Variants in ENTREP2 observed in about 807,000 individuals in gnomAD.
ENTREP2 encodes endosomal transmembrane epsin interactor 2.
chr15:29,310,425 G>C, the ENTREP2 span, among the ~76,000 whole-genome samples: 1 of 152,308 alleles, frequency 6.6e-6, no homozygotes, highest in African/African-American at 2.4e-5. Context: ...CGGTCAAGGG[G>C]ACATCTCTAG....
At chr15:29,136,428 G>T in the ENTREP2 span, 1 of 1,541,942 alleles carries the variant, frequency 6.5e-7, no homozygotes. Flanking sequence ...GCAGGATAGA[G>T]CAGGCCGGGG....
At chr15:29,410,809 G>A in the ENTREP2 span, among the ~76,000 whole-genome samples, 75 of 152,280 alleles carry the variant, frequency 4.9e-4, no homozygotes, top group African/African-American at 1.4e-3. Context: ...TTTTTGAGAT[G>A]GAGTCTTGCT....
At chr15:29,230,176 T>C in the ENTREP2 span, among the ~76,000 whole-genome samples, 1 of 152,212 alleles carries the variant, frequency 6.6e-6, no homozygotes, top group Admixed American at 6.5e-5. Context: ...TTGCCTTAGG[T>C]TGGATCCTTC....
At chr15:29,252,401 A>T in the ENTREP2 span, 1 of 1,551,198 alleles carries the variant, frequency 6.4e-7, no homozygotes, top group Middle Eastern at 1.7e-4. Flanking sequence ...TGACTAGCTG[A>T]GCATTCTGAC....
chr15:29,389,004 A>G, the ENTREP2 span, among the ~76,000 whole-genome samples: 1 of 151,430 alleles, frequency 6.6e-6, no homozygotes, highest in Non-Finnish European at 1.5e-5. Context: ...TAGGAGATAT[A>G]CCTAATGTAA....
the ENTREP2 span, among the ~76,000 whole-genome samples, chr15:29,482,546 C>T: frequency 6.6e-6 from 1 of 152,168 alleles, no homozygotes; most frequent in East Asian, 1.9e-4. Flanking sequence ...TTACTGTCTC[C>T]ACAGTCTTGC....
At chr15:29,517,429 G>A in the ENTREP2 span, among the ~76,000 whole-genome samples, 1 of 152,094 alleles carries the variant, frequency 6.6e-6, no homozygotes, top group Admixed American at 6.6e-5. Context: ...AGCTGTCTGG[G>A]TCCCAAATGT....
chr15:29,123,793 G>GAGCGC, the ENTREP2 span: 1 of 828,084 alleles, frequency 1.2e-6, no homozygotes, highest in Non-Finnish European at 1.8e-6. Flanking sequence ...GGCATGCCCT[G>GAGCGC]CTGTCCCCAT....
the ENTREP2 span, among the ~76,000 whole-genome samples, chr15:29,636,257 C>T: frequency 6.6e-5 from 10 of 152,276 alleles, no homozygotes; most frequent in South Asian, 1.9e-3. Context: ...GGACGAGGGG[C>T]GTTTCCTCAC....
At chr15:29,348,090 T>C in the ENTREP2 span, among the ~76,000 whole-genome samples, 5 of 152,202 alleles carry the variant, frequency 3.3e-5, no homozygotes, top group African/African-American at 1.2e-4. Flanking sequence ...AAGGAATACA[T>C]GTCCAACCTT....
chr15:29,438,924 C>T, the ENTREP2 span, among the ~76,000 whole-genome samples: 4 of 152,092 alleles, frequency 2.6e-5, no homozygotes, highest in Non-Finnish European at 5.9e-5. Context: ...CCAGAGGCAA[C>T]AGGAACTTAA....
chr15:29,669,394 C>A, the ENTREP2 span, among the ~76,000 whole-genome samples: 370 of 152,248 alleles, frequency 2.4e-3, no homozygotes, highest in African/African-American at 8.6e-3. Context: ...TCAGCCCCCT[C>A]GCCATGTGAT....
the ENTREP2 span, among the ~76,000 whole-genome samples, chr15:29,487,379 G>A: frequency 6.6e-6 from 1 of 152,160 alleles, no homozygotes; most frequent in African/African-American, 2.4e-5. Flanking sequence ...GCCAGGCTAA[G>A]TGTTAAAGGA....
At chr15:29,478,009 A>ATTTTTTTT in the ENTREP2 span, among the ~76,000 whole-genome samples, 4 of 70,908 alleles carry the variant, frequency 5.6e-5, no homozygotes, top group African/African-American at 3.3e-4. Context: ...ATATATATAT[A>ATTTTTTTT]TATATATATA....
chr15:29,535,885 A>C, the ENTREP2 span, among the ~76,000 whole-genome samples: 2 of 152,174 alleles, frequency 1.3e-5, no homozygotes, highest in Admixed American at 1.3e-4. Flanking sequence ...TGCTTGAAGC[A>C]CTGGCTACAA....
the ENTREP2 span, among the ~76,000 whole-genome samples, chr15:29,390,582 C>T: frequency 6.6e-6 from 1 of 152,160 alleles, no homozygotes; most frequent in African/African-American, 2.4e-5. Context: ...AGAACAGAGA[C>T]AGAACTTCCT....
At chr15:29,663,613 A>G in the ENTREP2 span, among the ~76,000 whole-genome samples, 1 of 152,196 alleles carries the variant, frequency 6.6e-6, no homozygotes, top group Non-Finnish European at 1.5e-5. Context: ...CATCGCAAGG[A>G]CAAAAAACCA....
the ENTREP2 span, chr15:29,234,249 C>G: frequency 6.2e-7 from 1 of 1,612,566 alleles, no homozygotes; most frequent in Admixed American, 1.7e-5. Flanking sequence ...TCTCTTCTCT[C>G]TTCCGCAGAA....
the ENTREP2 span, among the ~76,000 whole-genome samples, chr15:29,365,246 A>AT: frequency 1.5e-5 from 2 of 131,376 alleles, no homozygotes; most frequent in African/African-American, 3.2e-5. Context: ...TAAATAGCTC[A>AT]TTTCTTTTTT....
Sources: gnomAD v4.1 joint callset for allele counts (sites outside exome capture counted in the v4.1 genomes callset) on GRCh38, gnomAD v4.1.1 for gene constraint, MANE v1.5 for transcripts, NCBI Gene and HGNC (gene_info 2026-07-23, HGNC 2026-07-21) for gene names.